MISFA: variants seen among roughly 807,000 people sequenced by gnomAD.
MISFA encodes mitochondrial sheath formation associated.
the MISFA span, among the ~76,000 whole-genome samples, chr11:18,600,556 T>C: frequency 1.5e-5 from 2 of 133,872 alleles, no homozygotes; most frequent in East Asian, 4.7e-4. Flanking sequence ...AGTCTTGCTC[T>C]GTCGCCCAGG....
chr11:18,603,721 A>G, the MISFA span: 2 of 398,636 alleles, frequency 5.0e-6, no homozygotes, highest in African/African-American at 2.1e-5. Flanking sequence ...AAGCCCCCAC[A>G]CTAGAAACCA....
chr11:18,604,354 G>A, the MISFA span, among the ~76,000 whole-genome samples: 3 of 152,194 alleles, frequency 2.0e-5, no homozygotes, highest in East Asian at 5.8e-4. Flanking sequence ...CTCTAAGACT[G>A]GCATTAAGAT....
chr11:18,601,320 T>G, the MISFA span: 1,026 of 397,990 alleles, frequency 2.6e-3, 8 homozygotes, highest in African/African-American at 0.02. Context: ...TGGTGAGTAC[T>G]GCTGAGGACA....
At chr11:18,599,876 T>G in the MISFA span, 2 of 398,666 alleles carry the variant, frequency 5.0e-6, no homozygotes, top group Non-Finnish European at 8.9e-6. Flanking sequence ...AAGATCTTGG[T>G]GAATAGTCTT....
the MISFA span, chr11:18,606,775 C>G: frequency 2.6e-6 from 1 of 388,480 alleles, no homozygotes; most frequent in Non-Finnish European, 4.9e-6. Flanking sequence ...TTACCAATAG[C>G]TGCTTTTAAG....
At chr11:18,606,024 C>T in the MISFA span, among the ~76,000 whole-genome samples, 1 of 152,150 alleles carries the variant, frequency 6.6e-6, no homozygotes, top group Non-Finnish European at 1.5e-5. Context: ...CCATCTCAAG[C>T]TGCTTTTATC....
chr11:18,609,561 T>G, the MISFA span: 2 of 309,680 alleles, frequency 6.5e-6, no homozygotes, highest in African/African-American at 4.3e-5. Context: ...AAAGATTGGC[T>G]GACTGGTGAG....
chr11:18,600,131 A>G, the MISFA span: 2 of 397,240 alleles, frequency 5.0e-6, no homozygotes, highest in East Asian at 7.1e-5. Context: ...TGTGATGGGA[A>G]CAAAGTTAGT....
the MISFA span, chr11:18,606,987 G>A: frequency 1.7e-5 from 5 of 288,186 alleles, no homozygotes; most frequent in Non-Finnish European, 3.2e-5. Flanking sequence ...CAGCCTCCCC[G>A]GTAGCTGGGA....
chr11:18,602,011 C>T, the MISFA span: 1 of 152,292 alleles, frequency 6.6e-6, no homozygotes, highest in South Asian at 2.1e-4. Context: ...TTACTGGTGA[C>T]AGTGACCTCA....
At chr11:18,609,617 T>G in the MISFA span, 1 of 505,488 alleles carries the variant, frequency 2.0e-6, no homozygotes, top group East Asian at 3.4e-5. Flanking sequence ...AAGGCTGGCA[T>G]CTGTGAACAG....
At chr11:18,603,917 C>CT in the MISFA span, 4,461 of 52,874 alleles carry the variant, frequency 0.084, 1,632 homozygotes, top group East Asian at 0.16. Flanking sequence ...AGTTACCGCA[C>CT]TTTTTTTTTT....
the MISFA span, among the ~76,000 whole-genome samples, chr11:18,604,342 G>T: frequency 6.6e-6 from 1 of 151,956 alleles, no homozygotes; most frequent in Non-Finnish European, 1.5e-5. Flanking sequence ...CTGCTACATG[G>T]TCTCTAAGAC....
the MISFA span, chr11:18,608,780 G>A: frequency 6.6e-6 from 1 of 152,440 alleles, no homozygotes; most frequent in African/African-American, 2.4e-5. Context: ...CTTCCTACCT[G>A]GGGAAAAAAA....
chr11:18,601,930 A>G, the MISFA span: 3 of 161,140 alleles, frequency 1.9e-5, no homozygotes, highest in Non-Finnish European at 4.0e-5. Context: ...ATTTAATGCA[A>G]AGCTCAAAAA....
the MISFA span, chr11:18,609,636 A>G: frequency 9.1e-6 from 5 of 548,224 alleles, no homozygotes; most frequent in South Asian, 6.9e-5. Flanking sequence ...AGTTAACTTC[A>G]TAAGAGCACA....
the MISFA span, among the ~76,000 whole-genome samples, chr11:18,605,564 A>G: frequency 6.6e-6 from 1 of 152,204 alleles, no homozygotes; most frequent in Non-Finnish European, 1.5e-5. Flanking sequence ...CAAAATCCAT[A>G]AGCAAAACTT....
At chr11:18,601,320 T>TGCTGAG in the MISFA span, 6 of 397,872 alleles carry the variant, frequency 1.5e-5, no homozygotes, top group Non-Finnish European at 2.7e-5. Context: ...TGGTGAGTAC[T>TGCTGAG]GCTGAGGACA....
At chr11:18,606,230 T>G in the MISFA span, among the ~76,000 whole-genome samples, 1 of 152,172 alleles carries the variant, frequency 6.6e-6, no homozygotes, top group African/African-American at 2.4e-5. Flanking sequence ...TCTATCATGT[T>G]AGAGCAGACA....
Sources: allele counts gnomAD v4.1 joint callset (sites outside exome capture counted in the v4.1 genomes callset), GRCh38; gene constraint gnomAD v4.1.1; transcripts MANE v1.5; gene names NCBI Gene and HGNC (gene_info 2026-07-23, HGNC 2026-07-21).